The following TRPM3 variants were observed in gnomAD, a reference collection of about 807,000 sequenced individuals.
TRPM3 encodes long transient receptor potential channel 3.
Under a neutral mutation model 181.2 loss-of-function variants are expected in TRPM3, and 77 were observed. The ratio of observed to expected loss-of-function variants is 0.42; its 90% CI spans 0.35 to 0.51. TRPM3 has a LOEUF of 0.51. TRPM3 is among the 20% of genes least tolerant of loss of function. TRPM3 has a pLI of 0.01. For missense variants in TRPM3, 1,759 were observed against 2,196.7 expected (o/e 0.80, Z 3.98); for synonymous variants, 745 against 796.4 (o/e 0.94, Z 1.09).
intron 1 of TRPM3, among the ~76,000 whole-genome samples, chr9:71,247,253 T>C (rs1295542534): frequency 2.7e-5 from 4 of 149,946 alleles, no homozygotes; most frequent in African/African-American, 9.9e-5. Context: ...ACTCAGGAGA[T>C]TGAGGCAGGA....
intron 22 of TRPM3, among the ~76,000 whole-genome samples, chr9:70,582,247 C>T (rs181668283): frequency 3.4e-4 from 51 of 151,930 alleles, no homozygotes; most frequent in Admixed American, 3.3e-3. Context: ...ATTTAATCCA[C>T]ATTTTAAATT....
intron 1 of TRPM3, among the ~76,000 whole-genome samples, chr9:70,958,683 C>T (rs200004452): frequency 8.6e-5 from 13 of 151,912 alleles, no homozygotes; most frequent in South Asian, 2.1e-4. Flanking sequence ...CTATAAATCA[C>T]GCTGCTATAA....
rs2095601012 is a variant in TRPM3 at position 70,864,529 on chromosome 9, A to AAAAAC, written c.178-19_178-18insGTTTT. On this transcript the variant is annotated intron_variant, in intron 1 of 25. Coordinates refer to ENST00000677713, the MANE Select transcript of TRPM3 (RefSeq NM_001366145.2). The stretch of plus-strand genomic sequence containing the variant: ...TTCTGAGCCTGAAAAAGAAAACAAA[A>AAAAAC]AAAAAAAAAAAAGAAAAAAGAAAGA... The AAAAAC allele has an allele frequency of 6.9e-7, 1 of 1,457,860 alleles. No homozygotes were observed. Among genetic ancestry groups the AAAAAC allele is most frequent in the Non-Finnish European group, 9.0e-7 (1 of 1,106,174 alleles). 90.3% of individuals were successfully genotyped at this position (1,457,860 alleles called of 1,614,324 possible).
chr9:70,897,895 A>C (rs2096304683), intron 1 of TRPM3, among the ~76,000 whole-genome samples: 1 of 152,190 alleles, frequency 6.6e-6, no homozygotes, highest in African/African-American at 2.4e-5. Flanking sequence ...AAATTATAGC[A>C]AGGCTCACGT....
At chr9:71,106,564 T>C (rs1033835874) in intron 1 of TRPM3, among the ~76,000 whole-genome samples, 6 of 152,122 alleles carry the variant, frequency 3.9e-5, no homozygotes, top group African/African-American at 1.4e-4. Context: ...GCTTCCTATA[T>C]AGCCTGCAGA....
chr9:70,645,876 A>G (rs1444714356), intron 9 of TRPM3, among the ~76,000 whole-genome samples: 1 of 152,226 alleles, frequency 6.6e-6, no homozygotes, highest in Non-Finnish European at 1.5e-5. Context: ...AACTTAAACA[A>G]ATTTACAAGA....
chr9:70,685,819 C>T (rs1433294765), intron 8 of TRPM3, among the ~76,000 whole-genome samples: 1 of 151,968 alleles, frequency 6.6e-6, no homozygotes, highest in Non-Finnish European at 1.5e-5. Flanking sequence ...ACTTCCTAGT[C>T]AATTTATTTT....
At chr9:70,767,750 G>T (rs1479469815) in intron 7 of TRPM3, among the ~76,000 whole-genome samples, 5 of 152,150 alleles carry the variant, frequency 3.3e-5, no homozygotes, top group South Asian at 2.1e-4. Flanking sequence ...CTGGCTAAAA[G>T]AGCTGAGGGT....
chr9:71,331,187 A>T (rs2090082512), intron 1 of TRPM3, among the ~76,000 whole-genome samples: 1 of 151,932 alleles, frequency 6.6e-6, no homozygotes, highest in Non-Finnish European at 1.5e-5. Context: ...AATCCTAGGC[A>T]AAATTTTGGA....
intron 1 of TRPM3, among the ~76,000 whole-genome samples, chr9:71,362,999 G>A (rs945939026): frequency 1.3e-5 from 2 of 152,144 alleles, no homozygotes; most frequent in African/African-American, 4.8e-5. Context: ...AAGCAAAATT[G>A]TCTTTAGAGC....
At chr9:71,060,351 T>C (rs184343734) in intron 1 of TRPM3, among the ~76,000 whole-genome samples, 6 of 152,208 alleles carry the variant, frequency 3.9e-5, no homozygotes, top group African/African-American at 1.4e-4. Context: ...AGCATTTCCT[T>C]TGCACCAGGC....
At chr9:71,336,847 T>TG (rs2090591027) in intron 1 of TRPM3, among the ~76,000 whole-genome samples, 1 of 152,144 alleles carries the variant, frequency 6.6e-6, no homozygotes, top group Non-Finnish European at 1.5e-5. Flanking sequence ...AAACAAGCAA[T>TG]GGGGAAAGGA....
upstream of TRPM3, among the ~76,000 whole-genome samples, chr9:71,122,483 A>C (rs746224682): frequency 6.6e-6 from 1 of 152,184 alleles, no homozygotes; most frequent in South Asian, 2.1e-4. Flanking sequence ...GACAACTCCT[A>C]TGGGGAGAAT....
chr9:71,420,272 T>A (rs2131525675), intron 1 of TRPM3, among the ~76,000 whole-genome samples: 1 of 152,022 alleles, frequency 6.6e-6, no homozygotes, highest in East Asian at 1.9e-4. Context: ...AGGCTGGGGA[T>A]GCTACATGGA....
chr9:70,608,690 A>T (rs1030607243), intron 19 of TRPM3, among the ~76,000 whole-genome samples: 1 of 152,170 alleles, frequency 6.6e-6, no homozygotes, highest in Admixed American at 6.5e-5. Flanking sequence ...ACAAAAATTA[A>T]TTAGCCAGGT....
At chr9:71,226,009 TAA>T in intron 1 of TRPM3, among the ~76,000 whole-genome samples, 6,148 of 34,296 alleles carry the variant, frequency 0.18, 120 homozygotes, top group Middle Eastern at 0.36. Flanking sequence ...CAACAAAAGG[TAA>T]AAAAAAAAAA....
intron 1 of TRPM3, among the ~76,000 whole-genome samples, chr9:71,292,689 C>T (rs962779970): frequency 6.6e-6 from 1 of 151,824 alleles, no homozygotes; most frequent in Non-Finnish European, 1.5e-5. Flanking sequence ...ATACCTAGAG[C>T]ATTTTACCAG....
chr9:71,371,837 T>C (rs1488187768), intron 1 of TRPM3, among the ~76,000 whole-genome samples: 1 of 152,216 alleles, frequency 6.6e-6, no homozygotes, highest in Admixed American at 6.5e-5. Flanking sequence ...CTTTTGTTTT[T>C]GGTTTTTCTC....
chr9:70,960,515 T>A (rs1380148547), intron 1 of TRPM3, among the ~76,000 whole-genome samples: 1 of 152,192 alleles, frequency 6.6e-6, no homozygotes, highest in African/African-American at 2.4e-5. Context: ...CTCTGAATAT[T>A]GGTATTTTGA....
Sources: allele counts gnomAD v4.1 joint callset (sites outside exome capture counted in the v4.1 genomes callset), GRCh38; gene constraint gnomAD v4.1.1; transcripts MANE v1.5; gene names NCBI Gene and HGNC (gene_info 2026-07-23, HGNC 2026-07-21).